Variants in PLXNA4 observed in about 807,000 individuals in gnomAD.
The protein encoded by PLXNA4 is plexin-A4.
PLXNA4 carries 44 observed loss-of-function variants against 191.8 expected under a neutral mutation model. The observed-to-expected ratio is 0.23, with a 90% confidence interval of 0.18 to 0.29. The LOEUF (loss-of-function observed/expected upper bound fraction) is 0.29. Ranked by LOEUF, PLXNA4 falls within the 10% of genes least tolerant of loss-of-function variation. PLXNA4 has a pLI of 1.00. For missense variants in PLXNA4, 1,800 were observed against 2,488.8 expected (o/e 0.72, Z 5.89); for synonymous variants, 1,082 against 1,009.5 (o/e 1.07, Z -1.36).
intron 2 of PLXNA4, among the ~76,000 whole-genome samples, chr7:132,493,804 CAGAT>C (rs2117559592): frequency 6.6e-6 from 1 of 150,712 alleles, no homozygotes; most frequent in African/African-American, 2.4e-5. Flanking sequence ...GTTCGTTGGA[CAGAT>C]AGATAAATAA....
intron 27 of PLXNA4, among the ~76,000 whole-genome samples, chr7:132,147,113 G>A (rs528925828): frequency 6.6e-6 from 1 of 152,268 alleles, no homozygotes; most frequent in African/African-American, 2.4e-5. Context: ...CCGCTGATCG[G>A]ATGAGTAATC....
intron 4 of PLXNA4, among the ~76,000 whole-genome samples, chr7:132,264,940 T>G (rs115209125): frequency 2.1e-3 from 327 of 152,296 alleles, no homozygotes; most frequent in African/African-American, 7.6e-3. Context: ...TCAAGTGATC[T>G]GCCTTGGCTT....
At chr7:132,185,157 G>C in intron 16 of PLXNA4, 142 bp downstream of exon 16, 1 of 1,286,260 alleles carries the variant, frequency 7.8e-7, no homozygotes, top group South Asian at 1.6e-5. Flanking sequence ...AGGAAGGTCT[G>C]ATTTGGGGGT....
At chr7:132,148,455 G>T (rs1795498901) in intron 26 of PLXNA4, 88 bp downstream of exon 26, 3 of 1,559,134 alleles carry the variant, frequency 1.9e-6, no homozygotes, top group Non-Finnish European at 1.7e-6. Context: ...GAGGGGCTTG[G>T]TGTCTACCCC....
intron 3 of PLXNA4, among the ~76,000 whole-genome samples, chr7:132,309,844 G>C (rs578187175): frequency 6.6e-6 from 1 of 152,340 alleles, no homozygotes; most frequent in Admixed American, 6.5e-5. Flanking sequence ...GAAGGATGCT[G>C]CTAGCACAGA....
chr7:132,606,176 AG>A (rs1334266979), intron 2 of PLXNA4, among the ~76,000 whole-genome samples: 4 of 152,192 alleles, frequency 2.6e-5, no homozygotes, highest in African/African-American at 9.7e-5. Flanking sequence ...ATAAAAGAAA[AG>A]AAGCACGGAG....
intron 2 of PLXNA4, among the ~76,000 whole-genome samples, chr7:132,600,302 G>T (rs1201109799): frequency 1.3e-5 from 2 of 152,150 alleles, no homozygotes; most frequent in Non-Finnish European, 2.9e-5. Flanking sequence ...GGGGAGATAA[G>T]ATGTCTTTGG....
chr7:132,373,171 T>C (rs1198884167), intron 3 of PLXNA4, among the ~76,000 whole-genome samples: 2 of 152,098 alleles, frequency 1.3e-5, no homozygotes, highest in Admixed American at 6.5e-5. Context: ...GTAGAAGTAA[T>C]GATAAAACCA....
intron 14 of PLXNA4, among the ~76,000 whole-genome samples, chr7:132,189,740 T>C (rs10275752): frequency 0.51 from 77,065 of 151,878 alleles, 23,237 homozygotes; most frequent in African/African-American, 0.83. Flanking sequence ...GAAAGTGTGA[T>C]AGATGGGGGT....
At chr7:132,304,656 A>G (rs901627870) in intron 3 of PLXNA4, among the ~76,000 whole-genome samples, 2 of 152,192 alleles carry the variant, frequency 1.3e-5, no homozygotes, top group Non-Finnish European at 2.9e-5. Flanking sequence ...GGACAGCACA[A>G]TTCTAGACTA....
chr7:132,149,691 G>A (rs867555052), intron 25 of PLXNA4, among the ~76,000 whole-genome samples: 4 of 152,332 alleles, frequency 2.6e-5, no homozygotes, highest in African/African-American at 4.8e-5. Context: ...TGATACTTCT[G>A]AAATGTGCAA....
intron 1 of PLXNA4, among the ~76,000 whole-genome samples, chr7:132,543,425 T>C (rs1284997668): frequency 6.6e-6 from 1 of 152,224 alleles, no homozygotes; most frequent in African/African-American, 2.4e-5. Flanking sequence ...CCTCTTGATT[T>C]CCAGCTTCTT....
intron 3 of PLXNA4, among the ~76,000 whole-genome samples, chr7:132,375,280 C>T (rs1163728650): frequency 1.7e-5 from 2 of 118,964 alleles, no homozygotes; most frequent in African/African-American, 8.7e-5. Flanking sequence ...TAACTCCATC[C>T]CGCCCCCCCC....
intron 3 of PLXNA4, chr7:132,385,265 C>G: frequency 6.2e-7 from 1 of 1,613,962 alleles, no homozygotes; most frequent in Non-Finnish European, 8.5e-7. Context: ...GTCTGTAGCT[C>G]AAGGGTAGGG....
At chr7:132,352,765 A>G (rs1803543790) in intron 3 of PLXNA4, among the ~76,000 whole-genome samples, 1 of 152,234 alleles carries the variant, frequency 6.6e-6, no homozygotes, top group African/African-American at 2.4e-5. Context: ...TTGAGAATTA[A>G]TTGAGATAAT....
rs531249707 is a variant in PLXNA4 at position 132,543,703 on chromosome 7, T to C, written c.-87+32719A>G. Among the ~76,000 whole-genome samples, 23 of 152,308 alleles carry C rather than the reference T, an allele frequency of 1.5e-4. No homozygotes were observed. In the East Asian group the frequency reaches 3.9e-3, roughly 26 times the overall value. ...ACATGGATAAACTTGAATGCTAGGCTAAAAAGGAAGGATCTTTAATAAGCG... is the reference window on the plus strand; with the variant it reads ...ACATGGATAAACTTGAATGCTAGGCCAAAAAGGAAGGATCTTTAATAAGCG... On this transcript the variant is annotated intron_variant, in intron 1 of 31. Transcript: ENST00000321063.
At chr7:132,150,315 A>G (rs1354220186) in intron 25 of PLXNA4, among the ~76,000 whole-genome samples, 1 of 152,124 alleles carries the variant, frequency 6.6e-6, no homozygotes, top group Non-Finnish European at 1.5e-5. Context: ...GGAGGTATGC[A>G]TGCATGCACT....
At chr7:132,233,432 C>T (rs1006485943) in intron 5 of PLXNA4, among the ~76,000 whole-genome samples, 1 of 152,142 alleles carries the variant, frequency 6.6e-6, no homozygotes, top group African/African-American at 2.4e-5. Flanking sequence ...GATCCAATGA[C>T]TGATACCATG....
At chr7:132,331,685 C>T (rs954272727) in intron 3 of PLXNA4, among the ~76,000 whole-genome samples, 2 of 152,160 alleles carry the variant, frequency 1.3e-5, no homozygotes, top group African/African-American at 4.8e-5. Context: ...GTGGCTATTG[C>T]TCTCGGGCTT....
Sources: allele counts gnomAD v4.1 joint callset (sites outside exome capture counted in the v4.1 genomes callset), GRCh38; gene constraint gnomAD v4.1.1; transcripts MANE v1.5; gene names NCBI Gene and HGNC (gene_info 2026-07-23, HGNC 2026-07-21).